Variants in GALNT13 observed in about 807,000 individuals in gnomAD.
GALNT13 encodes the protein UDP-GalNAc:polypeptide N-acetylgalactosaminyltransferase 13.
A neutral mutation model predicts 64.2 loss-of-function variants in GALNT13; 28 were observed. The ratio of observed to expected loss-of-function variants is 0.44; its 90% CI spans 0.32 to 0.60. GALNT13 has a LOEUF of 0.60. GALNT13 is among the 20% of genes least tolerant of loss of function. The probability of loss-of-function intolerance (pLI) is 0.05; values close to 1 mark genes in which losing one functional copy is unlikely to be tolerated. For synonymous variants in GALNT13, 214 were observed against 224.6 expected (o/e 0.95, Z 0.42); for missense variants, 577 against 669.8 (o/e 0.86, Z 1.53).
intron 8 of GALNT13, among the ~76,000 whole-genome samples, chr2:154,274,713 T>G (rs1691543754): frequency 6.6e-6 from 1 of 152,012 alleles, no homozygotes; most frequent in Admixed American, 6.6e-5. Flanking sequence ...CAGTCTTGGG[T>G]ATGTCTTTAT....
chr2:153,993,043 A>G (rs1362331939), intron 3 of GALNT13, among the ~76,000 whole-genome samples: 2 of 152,168 alleles, frequency 1.3e-5, no homozygotes, highest in Non-Finnish European at 2.9e-5. Context: ...TTGATTAGGA[A>G]AGGTTAGTTC....
chr2:153,991,383 G>A (rs576680265), intron 3 of GALNT13, among the ~76,000 whole-genome samples: 1 of 152,180 alleles, frequency 6.6e-6, no homozygotes, highest in East Asian at 1.9e-4. Context: ...AATTCAGTCC[G>A]AGTCAGATAT....
intron 2 of GALNT13, among the ~76,000 whole-genome samples, chr2:153,903,302 G>A (rs964158052): frequency 6.6e-6 from 1 of 152,012 alleles, no homozygotes; most frequent in African/African-American, 2.4e-5. Flanking sequence ...TTTAAAGTTA[G>A]TTTACCGATC....
At chr2:154,303,087 G>A (rs1693537192) in intron 9 of GALNT13, among the ~76,000 whole-genome samples, 1 of 152,130 alleles carries the variant, frequency 6.6e-6, no homozygotes, top group Admixed American at 6.5e-5. Context: ...GTTGTCTGGA[G>A]TAAATACTAG....
intron 2 of GALNT13, among the ~76,000 whole-genome samples, chr2:153,912,575 A>T: frequency 7.1e-6 from 1 of 140,820 alleles, no homozygotes; most frequent in Admixed American, 7.0e-5. Context: ...TATCATTTAG[A>T]TGTTTTTTTT....
At chr2:153,278,180 G>A in the GALNT13 span, among the ~76,000 whole-genome samples, 17 of 151,746 alleles carry the variant, frequency 1.1e-4, 2 homozygotes, top group Middle Eastern at 0.01. Flanking sequence ...TGATCTGTCC[G>A]CCTCGGCCTC....
At chr2:153,107,720 G>T in the GALNT13 span, among the ~76,000 whole-genome samples, 1 of 152,066 alleles carries the variant, frequency 6.6e-6, no homozygotes, top group African/African-American at 2.4e-5. Flanking sequence ...GTTTTGCTTA[G>T]GATAATAATA....
At chr2:153,709,382 T>C in the GALNT13 span, among the ~76,000 whole-genome samples, 14 of 152,138 alleles carry the variant, frequency 9.2e-5, no homozygotes, top group East Asian at 1.9e-4. Context: ...CTAACAGATA[T>C]ATTAAAAAGT....
At chr2:153,316,594 T>C in the GALNT13 span, among the ~76,000 whole-genome samples, 1 of 138,426 alleles carries the variant, frequency 7.2e-6, no homozygotes, top group Non-Finnish European at 1.5e-5. Flanking sequence ...TGAGCCGAGA[T>C]TGCGCCACTG....
rs1338408293 is a variant in GALNT13 at position 154,042,413 on chromosome 2, A to G, written c.142+97774A>G. ...TATAGTCAGTGGGGGAAAAAAAACT[A>G]GCAGACTTTTACTACAAGGTAATAT... On this transcript the variant is annotated intron_variant, in intron 3 of 12. Transcript: ENST00000392825. Among the ~76,000 whole-genome samples the G allele has an allele frequency of 1.4e-5, 2 of 139,796 alleles. 1 individual carries two copies. The highest frequency in any genetic ancestry group is 3.3e-5 in the Non-Finnish European group (2 of 60,956). 91.7% of individuals were successfully genotyped at this position (139,796 alleles called of 152,430 possible).
At chr2:154,325,938 G>A (rs550221794) in intron 9 of GALNT13, among the ~76,000 whole-genome samples, 9 of 152,164 alleles carry the variant, frequency 5.9e-5, no homozygotes, top group Non-Finnish European at 1.0e-4. Context: ...CACTCCGAGG[G>A]CGGGGCCCAG....
the GALNT13 span, among the ~76,000 whole-genome samples, chr2:153,685,595 T>G: frequency 6.6e-6 from 1 of 152,100 alleles, no homozygotes; most frequent in Admixed American, 6.6e-5. Flanking sequence ...TTGCAAAAAT[T>G]ATCTCCCATT....
chr2:153,800,001 T>A, the GALNT13 span, among the ~76,000 whole-genome samples: 2 of 151,962 alleles, frequency 1.3e-5, no homozygotes, highest in Non-Finnish European at 2.9e-5. Context: ...AGCTATTCTA[T>A]GTTGCTATCA....
the GALNT13 span, among the ~76,000 whole-genome samples, chr2:153,856,249 G>GATAC: frequency 1.6e-3 from 1 of 608 alleles, no homozygotes; most frequent in East Asian, 0.5. Context: ...ATAAAGCTGT[G>GATAC]ATAGGTAGCT....
At chr2:154,257,681 T>A (rs894519874) in intron 7 of GALNT13, 19 of 152,162 alleles carry the variant, frequency 1.2e-4, no homozygotes, top group Non-Finnish European at 1.6e-4. Flanking sequence ...TACCTGAGCA[T>A]AAAACAGTGA....
At chr2:153,254,047 C>G in the GALNT13 span, among the ~76,000 whole-genome samples, 4 of 152,104 alleles carry the variant, frequency 2.6e-5, no homozygotes, top group Non-Finnish European at 2.9e-5. Context: ...GGAATGGTAC[C>G]AGTTCCTCCT....
At chr2:154,253,143 A>C (rs1340105788) in intron 7 of GALNT13, among the ~76,000 whole-genome samples, 1 of 152,136 alleles carries the variant, frequency 6.6e-6, no homozygotes, top group Non-Finnish European at 1.5e-5. Context: ...ATAGGTGATG[A>C]AACTGAGGCA....
the GALNT13 span, among the ~76,000 whole-genome samples, chr2:153,605,234 AGT>A: frequency 3.3e-5 from 5 of 152,106 alleles, no homozygotes. Flanking sequence ...ATCAGTAGCA[AGT>A]AATAGATAGG....
At chr2:153,262,329 G>T in the GALNT13 span, among the ~76,000 whole-genome samples, 1 of 152,116 alleles carries the variant, frequency 6.6e-6, no homozygotes, top group African/African-American at 2.4e-5. Context: ...AATATAGCAG[G>T]TTTCCTTCTG....
Sources: allele counts gnomAD v4.1 joint callset (sites outside exome capture counted in the v4.1 genomes callset), GRCh38; gene constraint gnomAD v4.1.1; transcripts MANE v1.5; gene names NCBI Gene and HGNC (gene_info 2026-07-23, HGNC 2026-07-21).